KIF12: variants seen among roughly 807,000 people sequenced by gnomAD.
KIF12 encodes the protein kinesin-like protein KIF12.
In KIF12, 80 loss-of-function variants were observed where a neutral mutation model predicts 87.9. The observed-to-expected ratio is 0.91, with a 90% CI of 0.76 to 1.10. KIF12 has a LOEUF of 1.10. KIF12 is among the 50% of genes least tolerant of loss of function. The pLI, the probability that KIF12 is intolerant of heterozygous loss-of-function variation, is 0.00. For missense variants in KIF12, 819 were observed against 865.3 expected (o/e 0.95, Z 0.67); for synonymous variants, 353 against 348.5 (o/e 1.01, Z -0.14).
In KIF12 at chr9:114,092,529, A is replaced by G; in HGVS notation, c.1697+13T>C. The G allele has an allele frequency of 3.1e-6, 5 of 1,612,946 alleles. No individual in the cohort carries two copies. Among genetic ancestry groups the G allele is most frequent in the Non-Finnish European group, 4.2e-6 (5 of 1,179,804 alleles). On this transcript the variant is annotated intron_variant, in intron 17 of 18. Transcript: ENST00000640217. ...CACCCCTCTCTGACCTCAGTGCCCC[A>G]GGAGAGACCCACCTCTCTCTTGGGC...
chr9:114,096,244 C>T, intron 8 of KIF12, 37 bp from the exon 9 acceptor site: 2 of 1,611,186 alleles, frequency 1.2e-6, no homozygotes, highest in South Asian at 1.1e-5. Flanking sequence ...TTGGGAGGGA[C>T]CGTCCCCATC....
At chr9:114,093,025 G>A in intron 16 of KIF12, 2 of 1,235,012 alleles carry the variant, frequency 1.6e-6, no homozygotes, top group Non-Finnish European at 2.2e-6. Context: ...ATGAATTCCT[G>A]GCCCTGACAG....
chr9:114,094,109 G>A (rs1178381313), intron 13 of KIF12, 72 bp downstream of exon 13: 2 of 1,498,270 alleles, frequency 1.3e-6, no homozygotes, highest in East Asian at 2.3e-5. Context: ...GGGAGAGGAG[G>A]CAGTTTGCCA....
At chr9:114,093,766 T>A (rs1281808398) in intron 14 of KIF12, 120 bp downstream of exon 14, 3 of 835,996 alleles carry the variant, frequency 3.6e-6, no homozygotes, top group Non-Finnish European at 3.8e-6. Flanking sequence ...GTGGCAGAGC[T>A]GGAAACTGAA....
intron 7 of KIF12, 27 bp downstream of exon 7, chr9:114,097,274 G>T (rs376055324): frequency 1.2e-6 from 2 of 1,600,844 alleles, no homozygotes; most frequent in Non-Finnish European, 1.7e-6. Context: ...ACCCCTACCC[G>T]CAAAACTCCC....
rs765859441 is a variant in KIF12, at chr9:114,096,183, G to C, written c.763C>G (p.Pro255Ala). ...QTAQQMPSVD[P>A]GEPPVGGKLC... is the part of the protein sequence containing the mutation. ...TTCCCACCAACAGGGGGCTCCCCAG[G>C]GTCCACAGAAGGCATCTGCTGGGCC... Residue 255 changes from proline to alanine, a missense_variant, in exon 9 of 19, where the codon CCT becomes GCT. Transcript: ENST00000640217. The C allele has an allele frequency of 2.5e-6, 4 of 1,613,928 alleles. No individual in the cohort carries two copies. Among genetic ancestry groups the C allele is most frequent in the African/African-American group, 2.7e-5 (2 of 75,056 alleles).
chr9:114,095,283 G>A lies in KIF12; in HGVS notation c.945C>T (p.Ile315=). Reference sequence around the variant, plus strand: ...TGGTGAGCTTGCTGTCCCGGAAAGGGATGTGGCTCTGCTTCCGCTGTGGGT... The same window carrying A: ...TGGTGAGCTTGCTGTCCCGGAAAGGAATGTGGCTCTGCTTCCGCTGTGGGT... ...LLDPQRKQSH[I]PFRDSKLTKL... Residue 315 remains isoleucine, a synonymous_variant, in exon 10 of 19, where the codon ATC becomes ATT. Transcript: ENST00000640217. The A allele has an allele frequency of 1.2e-6, 2 of 1,613,864 alleles. No individual in the cohort carries two copies. Among genetic ancestry groups the A allele is most frequent in the Non-Finnish European group, 1.7e-6 (2 of 1,180,028 alleles).
At chr9:114,095,486 C>T (rs1847185049) in intron 9 of KIF12, among the ~76,000 whole-genome samples, 154 bp from the exon 10 acceptor site, 1 of 152,194 alleles carries the variant, frequency 6.6e-6, no homozygotes, top group South Asian at 2.1e-4. Context: ...TTGGTCTCCA[C>T]CACCAGACTG....
rs1668956089 is a variant in KIF12, at chr9:114,093,446, T to C, written c.1452A>G (p.Pro484=). 1 of 1,570,406 alleles carries C rather than the reference T, an allele frequency of 6.4e-7. No individual in the cohort carries two copies. The highest frequency in any genetic ancestry group is 8.6e-7 in the Non-Finnish European group (1 of 1,157,452). ...YHHQQGPGLT[P]PCPCLMAPAP... is the part of the protein sequence containing the mutation. ...CTGGGGCCATCAAGCAGGGACACGG[T>C]GGGGTCAGGCCAGGACCCTGCTGGT... Residue 484 remains proline (P), a synonymous_variant, in exon 15 of 19, where the codon CCA becomes CCG. Coordinates refer to ENST00000640217, the MANE Select transcript of KIF12 (RefSeq NM_001388308.1).
chr9:114,095,303 G>A lies in KIF12; in HGVS notation c.925C>T (p.Gln309Ter). 1 of 1,613,692 alleles carries A rather than the reference G, an allele frequency of 6.2e-7. No individual in the cohort carries two copies. Reference sequence around the variant, plus strand: ...AAAGGGATGTGGCTCTGCTTCCGCTGTGGGTCCAGCAGCAGGGAGATGCAG... The same window carrying A: ...AAAGGGATGTGGCTCTGCTTCCGCTATGGGTCCAGCAGCAGGGAGATGCAG... Reference protein sequence around the residue: ...GHCISLLLDPQRKQSHIPFRD... With the variant: ...GHCISLLLDP Residue 309 changes from glutamine to a stop codon, truncating the protein, a stop_gained, in exon 10 of 19, where the codon CAG becomes TAG. Coordinates refer to ENST00000640217, the MANE Select transcript of KIF12 (RefSeq NM_001388308.1). LOFTEE classifies it high-confidence loss of function.
rs1847039722 is a variant in KIF12 at position 114,092,591 on chromosome 9, G to C, written c.1648C>G (p.Pro550Ala). The change falls in exon 17 of 19, where the codon CCC becomes GCC. Residue 550 changes from proline (P) to alanine (A), a missense_variant. Transcript: ENST00000640217. ...GGRPPSARPP[P>A]WAPPCSPGSA... ...CCAGGGCTGCATGGGGGTGCCCAGG[G>C]TGGGGGCCGGGCAGATGGGGGCCTG... 1 of 1,605,706 alleles carries C rather than the reference G, an allele frequency of 6.2e-7. No individual in the cohort carries two copies. The highest frequency in any genetic ancestry group is 1.3e-5 in the African/African-American group (1 of 74,848).
rs1476732255 is a variant in KIF12 at position 114,092,897 on chromosome 9, A to G, written c.1597-255T>C. The G allele has an allele frequency of 3.1e-5, 45 of 1,431,156 alleles. No individual in the cohort carries two copies. The South Asian group carries it at 6.1e-4, about 19-fold the overall frequency. The allele number at this position is 1,431,156 out of a possible 1,614,324, so 88.7% of individuals were successfully genotyped here. ...CTATTTCTGACTCCTCAGAGCCCAGAAGAGAGGCTGGTATAAAGCAAGGAG... is the reference window on the plus strand; with the variant it reads ...CTATTTCTGACTCCTCAGAGCCCAGGAGAGAGGCTGGTATAAAGCAAGGAG... On this transcript the variant is annotated intron_variant, in intron 16 of 18. Transcript: ENST00000640217.
chr9:114,094,434 G>A lies in KIF12; in HGVS notation c.1141C>T (p.Gln381Ter). The part of the protein sequence containing the change: ...APKSPVAKQP[Q>*]RLETEMLQLQ... Reference sequence around the variant, plus strand: ...TGCAGCATCTCTGTCTCCAAACGCTGGGGCTGCTTTGCCACAGGAGACTGT... The same window carrying A: ...TGCAGCATCTCTGTCTCCAAACGCTAGGGCTGCTTTGCCACAGGAGACTGT... Residue 381 changes from glutamine (Q) to a stop codon, truncating the protein, a stop_gained, in exon 12 of 19, where the codon CAG (glutamine) becomes TAG (stop). Coordinates refer to ENST00000640217, the MANE Select transcript of KIF12 (RefSeq NM_001388308.1). LOFTEE classifies it high-confidence loss of function. 6.2e-7 allele frequency: 1 copy of A among 1,613,536 alleles called. No homozygotes were observed. Among genetic ancestry groups the A allele is most frequent in the South Asian group, 1.1e-5 (1 of 91,024 alleles).
intron 13 of KIF12, 72 bp from the exon 14 acceptor site, chr9:114,094,044 T>C: frequency 1.1e-5 from 16 of 1,468,492 alleles, no homozygotes; most frequent in South Asian, 2.3e-5. Context: ...CTCCTCCTCA[T>C]TGCAGCATAG....
intron 9 of KIF12, 104 bp downstream of exon 9, chr9:114,095,947 C>T: frequency 7.6e-7 from 1 of 1,317,096 alleles, no homozygotes; most frequent in Non-Finnish European, 1.0e-6. Flanking sequence ...CTCTTTAACC[C>T]TCTTCTATTT....
At position 114,093,080 on chromosome 9, in the gene KIF12, AC is replaced by A. The variant is rs1847063147; in HGVS notation, c.1596+148del. ...AGGGTGAGGCAAACAGCTATTTCAA[AC>A]CAGGGCAGAGGGAGCCCTAGGCCAG... is the stretch of plus-strand genomic sequence containing the variant. On this transcript the variant is annotated intron_variant, in intron 16 of 18. Transcript: ENST00000640217. 6 of 1,087,806 alleles carry A rather than the reference AC, an allele frequency of 5.5e-6. No individual in the cohort carries two copies. In the South Asian group the frequency reaches 8.9e-5, roughly 16 times the overall value. The allele number at this position is 1,087,806 out of a possible 1,614,324, so 67.4% of individuals were successfully genotyped here.
At position 114,098,097 on chromosome 9, in the gene KIF12, C is replaced by A; in HGVS notation, c.375+18G>T. 6.5e-7 allele frequency: 1 copy of A among 1,543,416 alleles called. No individual in the cohort carries two copies. The highest frequency in any genetic ancestry group is 8.7e-7 in the Non-Finnish European group (1 of 1,145,018). On this transcript the variant is annotated intron_variant, in intron 5 of 18. Transcript: ENST00000640217. Reference sequence around the variant, plus strand: ...CACCCAGCCCCGCCCCGCGGGGGCGCCGCCGGCGCTCGCTCACCTGGGGAG... The same window carrying A: ...CACCCAGCCCCGCCCCGCGGGGGCGACGCCGGCGCTCGCTCACCTGGGGAG...
intron 11 of KIF12, 93 bp downstream of exon 11, chr9:114,094,930 C>T (rs1847150867): frequency 1.7e-6 from 2 of 1,154,742 alleles, no homozygotes; most frequent in Non-Finnish European, 2.4e-6. Flanking sequence ...TGACCCAGTC[C>T]AAGACTTCAA....
rs1457111378 is a variant in KIF12, at chr9:114,099,134, C to T, written c.62G>A (p.Gly21Glu). The change falls in exon 2 of 19, where the codon GGG becomes GAG. Residue 21 changes from glycine (G) to glutamate (E), a missense_variant. Transcript: ENST00000640217. ...LARSLEQGPEGPETPIQVVLR... is the reference protein window; with the variant it reads ...LARSLEQGPEEPETPIQVVLR... Reference sequence around the variant, plus strand: ...CACCACCTGGATGGGCGTTTCCGGCCCCTCTGGCCCTTGCTCCAGGCTCCG... The same window carrying T: ...CACCACCTGGATGGGCGTTTCCGGCTCCTCTGGCCCTTGCTCCAGGCTCCG... 6.4e-7 allele frequency: 1 copy of T among 1,550,570 alleles called. No individual in the cohort carries two copies. Among genetic ancestry groups the T allele is most frequent in the Admixed American group, 2.0e-5 (1 of 51,008 alleles).
Sources: gnomAD v4.1 joint callset for allele counts (sites outside exome capture counted in the v4.1 genomes callset) on GRCh38, gnomAD v4.1.1 for gene constraint, MANE v1.5 for transcripts, NCBI Gene and HGNC (gene_info 2026-07-23, HGNC 2026-07-21) for gene names.